NDUFA10: variants seen among roughly 807,000 people sequenced by gnomAD.
NDUFA10 encodes the protein NADH dehydrogenase [ubiquinone] 1 alpha subcomplex subunit 10, mitochondrial.
In NDUFA10, 40 loss-of-function variants were observed where a neutral mutation model predicts 47.8. That is an observed-to-expected ratio of 0.84 (90% CI 0.65 to 1.09). NDUFA10 has a LOEUF of 1.09. Among genes scored for constraint, NDUFA10 ranks in the 50% least tolerant of loss-of-function variants. The probability of loss-of-function intolerance (pLI) is 0.00; values close to 1 mark genes in which losing one functional copy is unlikely to be tolerated. For synonymous variants in NDUFA10, 183 were observed against 172.2 expected (o/e 1.06, Z -0.49); for missense variants, 413 against 451.1 (o/e 0.92, Z 0.76).
chr2:240,023,226 A>T (rs1697710249), intron 1 of NDUFA10, among the ~76,000 whole-genome samples: 1 of 152,230 alleles, frequency 6.6e-6, no homozygotes, highest in Non-Finnish European at 1.5e-5. Flanking sequence ...TGGGGTAATA[A>T]CCTTACTATA....
intron 9 of NDUFA10, among the ~76,000 whole-genome samples, chr2:239,966,744 A>G (rs531837764): frequency 6.6e-6 from 1 of 152,242 alleles, no homozygotes; most frequent in East Asian, 1.9e-4. Context: ...GGAAGGCTAC[A>G]AAGAAACCTG....
At position 240,017,753 on chromosome 2, in the gene NDUFA10, T is replaced by C; in HGVS notation, c.547+800A>G. On this transcript the variant is annotated intron_variant, in intron 4 of 9. Transcript: ENST00000252711. ...GCGGGCGGCAAGCTCACAGGTGGAG[T>C]ACCGGCAACACCAGGACACACAAGC... 4 of 1,363,534 alleles carry C rather than the reference T, an allele frequency of 2.9e-6. No homozygotes were observed. The African/African-American group carries it at 4.3e-5, about 15-fold the overall frequency. 84.5% of individuals were successfully genotyped at this position (1,363,534 alleles called of 1,614,324 possible).
intron 8 of NDUFA10, among the ~76,000 whole-genome samples, chr2:239,994,549 T>C (rs1216015130): frequency 6.6e-6 from 1 of 152,046 alleles, no homozygotes; most frequent in Non-Finnish European, 1.5e-5. Context: ...TTTCATTATA[T>C]ATAAGAATGT....
At chr2:240,020,237 G>C (rs1193322870) in intron 3 of NDUFA10, among the ~76,000 whole-genome samples, 2 of 152,192 alleles carry the variant, frequency 1.3e-5, no homozygotes, top group Non-Finnish European at 1.5e-5. Flanking sequence ...GCCAACCCTA[G>C]TGGCGGCTGA....
intron 9 of NDUFA10, chr2:239,982,114 C>T (rs191069798): frequency 1.8e-4 from 294 of 1,612,728 alleles, no homozygotes; most frequent in Non-Finnish European, 2.2e-4. Context: ...GACACGTGTA[C>T]CTGAAGACCG....
At chr2:239,999,273 G>A (rs754497605) in intron 8 of NDUFA10, among the ~76,000 whole-genome samples, 2 of 152,160 alleles carry the variant, frequency 1.3e-5, no homozygotes, top group Non-Finnish European at 2.9e-5. Flanking sequence ...AGGGAACAAC[G>A]GTGAATGCCG....
chr2:239,894,422 C>T (rs1241392266), intron 5 of NDUFA10, among the ~76,000 whole-genome samples: 1 of 152,208 alleles, frequency 6.6e-6, no homozygotes, highest in African/African-American at 2.4e-5. Context: ...TCCCTGCCTC[C>T]CGTCCTCTGC....
chr2:239,979,305 T>C (rs1479978092), intron 9 of NDUFA10, among the ~76,000 whole-genome samples: 1 of 151,494 alleles, frequency 6.6e-6, no homozygotes, highest in Non-Finnish European at 1.5e-5. Flanking sequence ...TTGTGCTTTA[T>C]AGTTAGACCC....
chr2:239,960,637 G>A lies in NDUFA10; in HGVS notation c.*481C>T. 9.5e-7 allele frequency: 1 copy of A among 1,048,560 alleles called. No individual in the cohort carries two copies. Among genetic ancestry groups the A allele is most frequent in the Non-Finnish European group, 1.2e-6 (1 of 866,072 alleles). 65.0% of individuals were successfully genotyped at this position (1,048,560 alleles called of 1,614,324 possible). On this transcript the variant is annotated 3_prime_UTR_variant, in exon 10 of 10. Transcript: ENST00000252711. ...AGAAAAACTCTTCAGCATAATGTAA[G>A]CCTCAATTAAACCACACCACACCAA... is the stretch of plus-strand genomic sequence containing the variant.
At chr2:239,927,934 G>T (rs1273317943) in intron 4 of NDUFA10, among the ~76,000 whole-genome samples, 1 of 152,178 alleles carries the variant, frequency 6.6e-6, no homozygotes, top group African/African-American at 2.4e-5. Flanking sequence ...TGGCTGTGGG[G>T]GTGCTGGGCA....
At chr2:240,008,665 C>T (rs996869151) in intron 6 of NDUFA10, among the ~76,000 whole-genome samples, 2 of 152,234 alleles carry the variant, frequency 1.3e-5, no homozygotes, top group Non-Finnish European at 2.9e-5. Flanking sequence ...CAAGAGTGGT[C>T]ATGAGAGATC....
chr2:239,964,789 G>A (rs546772011), intron 9 of NDUFA10, among the ~76,000 whole-genome samples: 3 of 152,322 alleles, frequency 2.0e-5, no homozygotes, highest in African/African-American at 7.2e-5. Flanking sequence ...CCACATCTGA[G>A]AGGTGGTCCT....
rs1210125372 is a variant in NDUFA10, at chr2:239,990,182, C to T, written c.891G>A (p.Leu297=). The change falls in exon 9 of 10, where the codon CTG becomes CTA. Residue 297 remains leucine, a splice_region_variant and synonymous_variant. Coordinates refer to ENST00000252711, the MANE Select transcript of NDUFA10 (RefSeq NM_004544.4). ...DNRTLYHLRL[L]VQDKFEVLNY... ...TCAGCACCTCAAACTTATCCTGAAC[C>T]CTAAAAAATAAGACACATGTGGATC... The T allele has an allele frequency of 4.4e-6, 7 of 1,607,928 alleles. No individual in the cohort carries two copies. Among genetic ancestry groups the T allele is most frequent in the South Asian group, 1.1e-5 (1 of 90,952 alleles).
intron 1 of NDUFA10, among the ~76,000 whole-genome samples, chr2:240,024,262 G>A (rs1051164425): frequency 6.6e-6 from 1 of 152,212 alleles, no homozygotes; most frequent in Non-Finnish European, 1.5e-5. Flanking sequence ...GTACATCCAT[G>A]CAATGAGATA....
At chr2:239,938,995 C>T (rs934850622) in intron 4 of NDUFA10, among the ~76,000 whole-genome samples, 3 of 152,030 alleles carry the variant, frequency 2.0e-5, no homozygotes, top group Non-Finnish European at 2.9e-5. Flanking sequence ...AATGCTCAGC[C>T]GTTGGGTTGG....
At chr2:239,975,764 G>C (rs1299134394) in intron 9 of NDUFA10, among the ~76,000 whole-genome samples, 1 of 152,010 alleles carries the variant, frequency 6.6e-6, no homozygotes, top group African/African-American at 2.4e-5. Context: ...CCTTCCACCA[G>C]CCTCTCCCCA....
At chr2:239,950,658 AC>A (rs1694536097) in intron 4 of NDUFA10, among the ~76,000 whole-genome samples, 1 of 152,236 alleles carries the variant, frequency 6.6e-6, no homozygotes, top group Non-Finnish European at 1.5e-5. Context: ...GCTTCTTCCA[AC>A]ACTGGTACGG....
At chr2:239,972,674 G>A (rs934422082) in intron 9 of NDUFA10, among the ~76,000 whole-genome samples, 2 of 152,030 alleles carry the variant, frequency 1.3e-5, no homozygotes, top group Admixed American at 1.3e-4. Context: ...GAAAATGTGT[G>A]TTCTATTTTT....
At chr2:240,004,103 G>A (rs1023024663) in intron 8 of NDUFA10, among the ~76,000 whole-genome samples, 6 of 152,122 alleles carry the variant, frequency 3.9e-5, no homozygotes, top group Admixed American at 2.6e-4. Flanking sequence ...AAGAGAGCCC[G>A]GCCCCAGAAG....
Sources: allele counts gnomAD v4.1 joint callset (sites outside exome capture counted in the v4.1 genomes callset), GRCh38; gene constraint gnomAD v4.1.1; transcripts MANE v1.5; gene names NCBI Gene and HGNC (gene_info 2026-07-23, HGNC 2026-07-21).